SMYD4: variants seen among roughly 807,000 people sequenced by gnomAD.
The protein encoded by SMYD4 is SET and MYND domain containing 4, also known as protein-lysine N-methyltransferase SMYD4.
A neutral mutation model predicts 72.8 loss-of-function variants in SMYD4; 68 were observed. That is an observed-to-expected ratio of 0.93 (90% CI 0.77 to 1.14). The LOEUF is 1.14. Ranked by LOEUF, SMYD4 falls within the 50% of genes most tolerant of loss-of-function variation. The pLI is 0.00. For synonymous variants in SMYD4, 407 were observed against 388.6 expected (o/e 1.05, Z -0.56); for missense variants, 984 against 1,003.7 (o/e 0.98, Z 0.27).
rs1908713306 is a variant in SMYD4 at position 1,786,780 on chromosome 17, A to G, written c.1884+30T>C. On this transcript the variant is annotated intron_variant, in intron 7 of 10. Transcript: ENST00000305513. ...TTGGGGTGGAAAACTGACCTCCAGG[A>G]AAAGTGGAGGAGACAGAAGAGAGAA... is the stretch of plus-strand genomic sequence containing the variant. 3 of 1,612,824 alleles carry G rather than the reference A, an allele frequency of 1.9e-6. No homozygotes were observed. The African/African-American group carries it at 4.0e-5, about 22-fold the overall frequency.
At chr17:1,796,301 T>TTTTTG (rs1193438411) in intron 5 of SMYD4, among the ~76,000 whole-genome samples, 2 of 145,010 alleles carry the variant, frequency 1.4e-5, no homozygotes, top group South Asian at 2.2e-4. Context: ...GCCTGGCTGT[T>TTTTTG]TTTTTTTTTT....
At chr17:1,789,646 T>A (rs1382975292) in intron 5 of SMYD4, among the ~76,000 whole-genome samples, 9 of 149,294 alleles carry the variant, frequency 6.0e-5, no homozygotes, top group Middle Eastern at 3.4e-3. Context: ...GCACCAGTAA[T>A]CCCTGCTACT....
intron 5 of SMYD4, among the ~76,000 whole-genome samples, chr17:1,789,752 G>A (rs997008918): frequency 8.9e-5 from 4 of 44,808 alleles, no homozygotes; most frequent in East Asian, 4.9e-4. Flanking sequence ...GTGAAAGAGC[G>A]AGACTCTGTC....
chr17:1,827,776 G>GAA lies in SMYD4; in HGVS notation c.134+83_134+84dup, dbSNP rs879559501. 8.2e-4 allele frequency: 1,216 copies of GAA among 1,486,468 alleles called. 2 individuals are homozygous for GAA. Among genetic ancestry groups the GAA allele is most frequent in the Non-Finnish European group, 9.6e-4 (1,052 of 1,100,234 alleles). 92.1% of individuals were successfully genotyped at this position (1,486,468 alleles called of 1,614,324 possible). A position where few individuals can be genotyped will look rare whatever the true frequency, so the allele number is the denominator to read the frequency against. On this transcript the variant is annotated intron_variant, in intron 2 of 10. Transcript: ENST00000305513. The stretch of plus-strand genomic sequence containing the variant: ...CAAGCAAGACTCAATCTTTATTTAA[G>GAA]AAAAAGACACATTACTTCAGAGCAA...
intron 5 of SMYD4, among the ~76,000 whole-genome samples, chr17:1,796,581 C>T (rs1446476084): frequency 1.3e-5 from 2 of 151,846 alleles, no homozygotes; most frequent in Admixed American, 6.6e-5. Flanking sequence ...GGACTACAGG[C>T]GCCCGCTGCC....
At chr17:1,786,762 G>A (rs949131004) in intron 7 of SMYD4, 48 bp downstream of exon 7, 9 of 1,611,468 alleles carry the variant, frequency 5.6e-6, no homozygotes, top group African/African-American at 1.3e-5. Context: ...CCCTTGGGGT[G>A]GAAAACTGAC....
chr17:1,827,744 T>C, intron 2 of SMYD4, 117 bp downstream of exon 2: 1 of 1,337,768 alleles, frequency 7.5e-7, no homozygotes, highest in Admixed American at 2.5e-5. Flanking sequence ...GAGACCAGCC[T>C]GGGAAACAAG....
In SMYD4 at chr17:1,827,872, AGAG is replaced by A. The variant is rs1254227033; in HGVS notation, c.120_122del (p.Ser42del). ...CTTGATTTACTTACTGAAGAAGTGA[AGAG>A]GAGTGAAGAAAGATATCCCTCAAGG... On this transcript the variant is annotated inframe_deletion, in exon 2 of 11. Transcript: ENST00000305513. 4 of 1,604,920 alleles carry A rather than the reference AGAG, an allele frequency of 2.5e-6. No individual in the cohort carries two copies. Among genetic ancestry groups the A allele is most frequent in the South Asian group, 1.1e-5 (1 of 90,788 alleles).
intron 2 of SMYD4, among the ~76,000 whole-genome samples, chr17:1,826,429 T>G (rs1184643998): frequency 1.4e-5 from 2 of 141,606 alleles, no homozygotes; most frequent in Admixed American, 7.7e-5. Context: ...GAGGCGGAGG[T>G]TGCAGTGAGC....
chr17:1,780,435 T>G lies in SMYD4; in HGVS notation c.*851A>C, dbSNP rs2151215807. On this transcript the variant is annotated 3_prime_UTR_variant, in exon 11 of 11. Transcript: ENST00000305513. ...TCTCACTATATTGCCCAGGCTGGTT[T>G]TGAACTCCTGGGCTCAAGTGATCCT... 1 of 152,326 alleles carries G rather than the reference T, an allele frequency of 6.6e-6. No individual in the cohort carries two copies. The highest frequency in any genetic ancestry group is 1.5e-5 in the Non-Finnish European group (1 of 68,118). The allele number at this position is 152,326 out of a possible 1,614,324, so 9.4% of individuals were successfully genotyped here.
chr17:1,828,027 T>G, intron 1 of SMYD4, 21 bp from the exon 2 acceptor site: 1 of 1,586,912 alleles, frequency 6.3e-7, no homozygotes, highest in Non-Finnish European at 8.6e-7. Flanking sequence ...AGTAAGAAAA[T>G]AGGAATCTTA....
intron 4 of SMYD4, 102 bp downstream of exon 4, chr17:1,804,524 A>G: frequency 1.9e-6 from 2 of 1,029,454 alleles, no homozygotes; most frequent in Non-Finnish European, 3.0e-6. Flanking sequence ...GCAGCATGAC[A>G]TGATTTTAGT....
rs575144935 is a variant in SMYD4, at chr17:1,813,629, C to T, written c.135-1514G>A. On this transcript the variant is annotated intron_variant, in intron 2 of 10. Transcript: ENST00000305513. ...TGGGGTCTCATCATGTTGCCGAGGC[C>T]GGTCTTGAACTTCTGAGCTCAGGCA... Among the ~76,000 whole-genome samples the T allele has an allele frequency of 7.2e-5, 11 of 151,946 alleles. No homozygotes were observed. The South Asian group carries it at 1.5e-3, about 20-fold the overall frequency.
At chr17:1,813,778 T>C (rs1348841847) in intron 2 of SMYD4, among the ~76,000 whole-genome samples, 1 of 151,996 alleles carries the variant, frequency 6.6e-6, no homozygotes, top group Non-Finnish European at 1.5e-5. Context: ...AAGAAATAAA[T>C]ATACAAATGC....
chr17:1,802,819 TA>T (rs11345704), intron 4 of SMYD4, among the ~76,000 whole-genome samples: 54,947 of 152,142 alleles, frequency 0.36, 11,698 homozygotes, highest in Non-Finnish European at 0.5. Context: ...GGTATCCTCC[TA>T]AAACATTAAT....
intron 5 of SMYD4, among the ~76,000 whole-genome samples, chr17:1,797,393 A>G (rs548919086): frequency 6.6e-6 from 1 of 152,262 alleles, no homozygotes; most frequent in Non-Finnish European, 1.5e-5. Flanking sequence ...TTCTAATAAT[A>G]GTTGTATCTG....
intron 2 of SMYD4, among the ~76,000 whole-genome samples, chr17:1,816,948 C>T (rs960923016): frequency 5.3e-5 from 8 of 151,556 alleles, no homozygotes; most frequent in African/African-American, 4.9e-5. Context: ...TTATATATTT[C>T]GGATATTAAT....
intron 7 of SMYD4, among the ~76,000 whole-genome samples, chr17:1,785,776 G>GAAAAAAAA (rs1333271491): frequency 7.2e-5 from 1 of 13,908 alleles, no homozygotes; most frequent in African/African-American, 2.6e-4. Flanking sequence ...AAAAAAAAAA[G>GAAAAAAAA]AAAAAAAAAA....
chr17:1,785,083 G>A (rs1053650345), intron 7 of SMYD4, among the ~76,000 whole-genome samples: 2 of 148,254 alleles, frequency 1.3e-5, no homozygotes, highest in South Asian at 2.2e-4. Flanking sequence ...CACCGTGCCC[G>A]GCCTTGATGA....
Sources: allele counts gnomAD v4.1 joint callset (sites outside exome capture counted in the v4.1 genomes callset), GRCh38; gene constraint gnomAD v4.1.1; transcripts MANE v1.5; gene names NCBI Gene and HGNC (gene_info 2026-07-23, HGNC 2026-07-21).